Variants in CEP97 observed in about 807,000 individuals in gnomAD.
The protein encoded by CEP97 is centrosomal protein of 97 kDa.
Under a neutral mutation model 73.1 loss-of-function variants are expected in CEP97, and 43 were observed. That is an observed-to-expected ratio of 0.59 (90% confidence interval 0.46 to 0.76). CEP97 has a LOEUF of 0.76. Ranked by LOEUF, CEP97 falls within the 30% of genes least tolerant of loss-of-function variation. The probability of loss-of-function intolerance (pLI) is 0.00; values close to 1 mark genes in which losing one functional copy is unlikely to be tolerated. For synonymous variants in CEP97, 337 were observed against 370.0 expected, an observed-to-expected ratio of 0.91 and a Z score of 1.02; for missense variants, 939 against 1,014.0, an observed-to-expected ratio of 0.93 and a Z score of 1.00.
In CEP97 at chr3:101,752,321, C is replaced by G. The variant is rs562249846; in HGVS notation, c.729-3109C>G. 4.6e-5 allele frequency among the ~76,000 whole-genome samples: 7 copies of G among 152,236 alleles called. No individual in the cohort carries two copies. The South Asian group carries it at 1.5e-3, about 32-fold the overall frequency. ...AACCCGACCTTTCTCTCTGGCTGCC[C>G]TTAACATTTTTTCCTTCATTTCAAC... On this transcript the variant is annotated intron_variant, in intron 6 of 10. Coordinates refer to ENST00000341893, the MANE Select transcript of CEP97 (RefSeq NM_024548.4).
At chr3:101,745,667 A>G (rs1184103805) in intron 6 of CEP97, among the ~76,000 whole-genome samples, 1 of 151,734 alleles carries the variant, frequency 6.6e-6, no homozygotes, top group Non-Finnish European at 1.5e-5. Flanking sequence ...ACAATTGTCA[A>G]TATTCTGCCA....
chr3:101,748,439 C>T (rs2107166948), intron 6 of CEP97, among the ~76,000 whole-genome samples: 1 of 152,068 alleles, frequency 6.6e-6, no homozygotes, highest in East Asian at 1.9e-4. Flanking sequence ...TCTGTCTTCC[C>T]AAAGTACAGA....
At chr3:101,740,612 G>A (rs1274458781) in intron 6 of CEP97, among the ~76,000 whole-genome samples, 2 of 150,482 alleles carry the variant, frequency 1.3e-5, no homozygotes, top group East Asian at 1.9e-4. Context: ...TTTTTGAGAC[G>A]GAGTTTTGCT....
At chr3:101,756,988 A>C in intron 7 of CEP97, 75 bp from the exon 8 acceptor site, 1 of 1,383,288 alleles carries the variant, frequency 7.2e-7, no homozygotes, top group Non-Finnish European at 9.7e-7. Flanking sequence ...CCTTTTTGAC[A>C]TTGTTACCTA....
intron 9 of CEP97, 168 bp downstream of exon 9, chr3:101,758,591 C>T (rs946639471): frequency 1.8e-5 from 13 of 729,260 alleles, no homozygotes; most frequent in African/African-American, 3.5e-5. Flanking sequence ...GGAGAGCAGA[C>T]ACTATCTGCT....
chr3:101,728,989 G>T, intron 4 of CEP97, 52 bp downstream of exon 4: 1 of 1,038,320 alleles, frequency 9.6e-7, no homozygotes, highest in Non-Finnish European at 1.5e-6. Flanking sequence ...AATACCAAGA[G>T]AAAGTAATCT....
chr3:101,757,803 C>G lies in CEP97; in HGVS notation c.1197C>G (p.Leu399=). The part of the protein sequence containing the change: ...TDEDKLNCSL[L]SSESTFMPVA... ...AGGACAAGTTAAACTGTAGTCTTCT[C>G]TCTTCAGAGTCTACTTTTATGCCAG... The change falls in exon 9 of 11, where the codon CTC becomes CTG. Residue 399 remains leucine (L), a synonymous_variant. Transcript: ENST00000341893. 1 of 1,614,256 alleles carries G rather than the reference C, an allele frequency of 6.2e-7. No homozygotes were observed. Among genetic ancestry groups the G allele is most frequent in the Non-Finnish European group, 8.5e-7 (1 of 1,180,042 alleles).
chr3:101,756,098 T>C (rs1163296146), intron 7 of CEP97, among the ~76,000 whole-genome samples: 2 of 152,132 alleles, frequency 1.3e-5, no homozygotes, highest in African/African-American at 4.8e-5. Context: ...TATCACTCTG[T>C]TGCCCAGGCT....
intron 10 of CEP97, among the ~76,000 whole-genome samples, chr3:101,763,401 A>T (rs1939220409): frequency 6.9e-6 from 1 of 145,496 alleles, no homozygotes; most frequent in South Asian, 2.1e-4. Flanking sequence ...ACTGTTTAGT[A>T]AAAAAAAAAA....
At chr3:101,726,436 A>G (rs1036479283) in intron 1 of CEP97, among the ~76,000 whole-genome samples, 158 bp from the exon 2 acceptor site, 3 of 152,180 alleles carry the variant, frequency 2.0e-5, no homozygotes, top group African/African-American at 7.2e-5. Flanking sequence ...GTCATTTAGA[A>G]CTCAAGATTG....
rs1201151864 is a variant in CEP97, at chr3:101,767,307, C to T, written c.*1756C>T. The T allele has an allele frequency of 1.3e-5, 2 of 152,136 alleles. No homozygotes were observed. Among genetic ancestry groups the T allele is most frequent in the Non-Finnish European group, 2.9e-5 (2 of 68,028 alleles). 9.4% of individuals were successfully genotyped at this position (152,136 alleles called of 1,614,324 possible). A position where few individuals can be genotyped will look rare whatever the true frequency, so the allele number is the denominator to read the frequency against. On this transcript the variant is annotated 3_prime_UTR_variant, in exon 11 of 11. Transcript: ENST00000341893. ...AGTGAAACATGTGTAACATTGAATGCATGTTAAATAAAAATGGAATTTCTA... is the reference window on the plus strand; with the variant it reads ...AGTGAAACATGTGTAACATTGAATGTATGTTAAATAAAAATGGAATTTCTA...
In CEP97 at chr3:101,767,808, T is replaced by G. The variant is rs1467320627; in HGVS notation, c.*2257T>G. The G allele has an allele frequency of 6.6e-6, 1 of 152,246 alleles. No homozygotes were observed. The highest frequency in any genetic ancestry group is 2.4e-5 in the African/African-American group (1 of 41,460). 9.4% of individuals were successfully genotyped at this position (152,246 alleles called of 1,614,324 possible). ...GCAAGAATATTAAATAGCCCCTTCC[T>G]TAACTGTACATATTATCTTGAATGT... is the stretch of plus-strand genomic sequence containing the variant. On this transcript the variant is annotated 3_prime_UTR_variant, in exon 11 of 11. Transcript: ENST00000341893.
intron 6 of CEP97, among the ~76,000 whole-genome samples, chr3:101,737,481 C>T (rs1306895930): frequency 6.6e-6 from 1 of 152,204 alleles, no homozygotes; most frequent in Non-Finnish European, 1.5e-5. Context: ...TCAGACTTAA[C>T]AGCAGGTCTC....
rs979804570 is a variant in CEP97, at chr3:101,768,794, A to G, written c.*3243A>G. 9 of 152,234 alleles carry G rather than the reference A, an allele frequency of 5.9e-5. No homozygotes were observed. The highest frequency in any genetic ancestry group is 1.3e-4 in the Non-Finnish European group (9 of 68,046). 9.4% of individuals were successfully genotyped at this position (152,234 alleles called of 1,614,324 possible). A position where few individuals can be genotyped will look rare whatever the true frequency, so the allele number is the denominator to read the frequency against. On this transcript the variant is annotated 3_prime_UTR_variant, in exon 11 of 11. Transcript: ENST00000341893. The stretch of plus-strand genomic sequence containing the variant: ...CTAGAGAAATGCTGAGTTTGATGAC[A>G]TTTTATCTTCAGTTTTGTAGAACAG...
At position 101,765,251 on chromosome 3, in the gene CEP97, G is replaced by A. The variant is rs1248050063; in HGVS notation, c.2298G>A (p.Glu766=). The change falls in exon 11 of 11, where the codon GAG becomes GAA. Residue 766 remains glutamate (E), a synonymous_variant. Transcript: ENST00000341893. ...GEWNKESSNN[E]QDNSLLEQYL... Reference sequence around the variant, plus strand: ...GGAATAAGGAAAGCTCAAATAACGAGCAGGACAATAGTCTGCTTGAACAGT... The same window carrying A: ...GGAATAAGGAAAGCTCAAATAACGAACAGGACAATAGTCTGCTTGAACAGT... 2 of 1,614,080 alleles carry A rather than the reference G, an allele frequency of 1.2e-6. No individual in the cohort carries two copies. Among genetic ancestry groups the A allele is most frequent in the Admixed American group, 3.3e-5 (2 of 60,002 alleles).
At position 101,765,346 on chromosome 3, in the gene CEP97, G is replaced by C; in HGVS notation, c.2393G>C (p.Ser798Thr). 4.3e-6 allele frequency: 7 copies of C among 1,614,116 alleles called. No individual in the cohort carries two copies. The highest frequency in any genetic ancestry group is 5.9e-6 in the Non-Finnish European group (7 of 1,180,034). Residue 798 changes from serine to threonine, a missense_variant, in exon 11 of 11, where the codon AGC becomes ACC. Ser to Thr is a moderately conservative substitution (Grantham distance 58, BLOSUM62 1). Coordinates refer to ENST00000341893, the MANE Select transcript of CEP97 (RefSeq NM_024548.4). ...AATTTTGATACAGAGACAAGAGATA[G>C]CAAACTTCACATTGCTTGTTTCCCA... is the stretch of plus-strand genomic sequence containing the variant. The part of the protein sequence containing the change: ...RTNFDTETRD[S>T]KLHIACFPVQ...
At position 101,765,515 on chromosome 3, in the gene CEP97, T is replaced by C; in HGVS notation, c.2562T>C (p.Ser854=). ...AGGGGCAGCAGCCAGAATGTGATTC[T>C]ACATTTCAGCTATTGCATGTTGGTG... The part of the protein sequence containing the change: ...EVQGQQPECD[S]TFQLLHVGVT... Residue 854 remains serine (S), a synonymous_variant, in exon 11 of 11, where the codon TCT becomes TCC. Coordinates refer to ENST00000341893, the MANE Select transcript of CEP97 (RefSeq NM_024548.4). 1 of 1,613,428 alleles carries C rather than the reference T, an allele frequency of 6.2e-7. No individual in the cohort carries two copies.
chr3:101,755,374 A>G, intron 6 of CEP97, 56 bp from the exon 7 acceptor site: 1 of 1,444,832 alleles, frequency 6.9e-7, no homozygotes. Flanking sequence ...GTTGCCTGAC[A>G]ATGTGTGTTG....
intron 4 of CEP97, among the ~76,000 whole-genome samples, chr3:101,730,230 T>TG (rs56168785): frequency 0.12 from 15,175 of 131,026 alleles, 843 homozygotes; most frequent in Admixed American, 0.16. Flanking sequence ...CCGAGTCTGT[T>TG]TTTTTGTTTT....
Sources: gnomAD v4.1 joint callset for allele counts (sites outside exome capture counted in the v4.1 genomes callset) on GRCh38, gnomAD v4.1.1 for gene constraint, MANE v1.5 for transcripts, NCBI Gene and HGNC (gene_info 2026-07-23, HGNC 2026-07-21) for gene names.